The following ALDH1A1 variants were observed in gnomAD, a reference collection of about 807,000 sequenced individuals.
ALDH1A1 encodes aldehyde dehydrogenase 1A1.
In ALDH1A1, 19 loss-of-function variants were observed where a neutral mutation model predicts 62.1. The ratio of observed to expected loss-of-function variants is 0.31; its 90% CI spans 0.21 to 0.45. The LOEUF (loss-of-function observed/expected upper bound fraction) is 0.45, where lower values mean the gene tolerates loss of function less well. ALDH1A1 is among the 20% of genes least tolerant of loss of function. The probability of loss-of-function intolerance (pLI) is 1.00; values close to 1 mark genes in which losing one functional copy is unlikely to be tolerated. For missense variants in ALDH1A1, 521 were observed against 607.1 expected (o/e 0.86, Z 1.49); for synonymous variants, 231 against 215.9 (o/e 1.07, Z -0.61).
chr9:72,946,433 T>C (rs1830474626), intron 1 of ALDH1A1, among the ~76,000 whole-genome samples: 1 of 151,880 alleles, frequency 6.6e-6, no homozygotes. Context: ...AACGTTACAA[T>C]GAATCAGGTA....
chr9:72,945,301 C>T (rs1213197959), intron 1 of ALDH1A1, among the ~76,000 whole-genome samples: 1 of 151,776 alleles, frequency 6.6e-6, no homozygotes, highest in Admixed American at 6.6e-5. Context: ...GCAAAAGATA[C>T]TCAGAGTGCC....
chr9:72,903,300 A>T (rs1829830576), intron 12 of ALDH1A1, among the ~76,000 whole-genome samples: 1 of 152,066 alleles, frequency 6.6e-6, no homozygotes, highest in Non-Finnish European at 1.5e-5. Flanking sequence ...TCTTTTAACT[A>T]ATCCCAGAGC....
chr9:72,924,331 T>C (rs939083673), intron 6 of ALDH1A1, among the ~76,000 whole-genome samples, 199 bp from the exon 7 acceptor site: 2 of 152,182 alleles, frequency 1.3e-5, no homozygotes, highest in Non-Finnish European at 2.9e-5. Flanking sequence ...GGTTGCATTA[T>C]TAAAGGACAA....
chr9:72,950,066 T>C (rs1412169769), intron 1 of ALDH1A1, among the ~76,000 whole-genome samples: 1 of 151,666 alleles, frequency 6.6e-6, no homozygotes, highest in Admixed American at 6.6e-5. Context: ...GAAACAGGTC[T>C]AGGAAAGGTT....
At chr9:72,908,354 G>A (rs1156605361) in intron 11 of ALDH1A1, among the ~76,000 whole-genome samples, 1 of 132,266 alleles carries the variant, frequency 7.6e-6, no homozygotes, top group Non-Finnish European at 1.5e-5. Context: ...AGAATCACTT[G>A]AACCCAGGAG....
chr9:72,933,410 A>G (rs780046565), intron 2 of ALDH1A1, among the ~76,000 whole-genome samples: 7 of 152,116 alleles, frequency 4.6e-5, no homozygotes, highest in Admixed American at 2.0e-4. Context: ...TCTAAGGTTC[A>G]GCTTTCTTTT....
At chr9:72,901,898 A>T (rs1447853519) in intron 12 of ALDH1A1, among the ~76,000 whole-genome samples, 1 of 152,098 alleles carries the variant, frequency 6.6e-6, no homozygotes, top group Non-Finnish European at 1.5e-5. Flanking sequence ...AATATTTTGC[A>T]GCAGTAGTTT....
intron 9 of ALDH1A1, 113 bp from the exon 10 acceptor site, chr9:72,912,235 A>C (rs1830001542): frequency 2.5e-6 from 2 of 797,646 alleles, no homozygotes; most frequent in Non-Finnish European, 3.9e-6. Context: ...ATTAAACCAA[A>C]TATTGAATCG....
rs1437130670 is a variant in ALDH1A1, at chr9:72,909,649, A to G, written c.1311T>C (p.Ile437=). The part of the protein sequence containing the change: ...GLSAGVFTKD[I]DKAITISSAL... Reference sequence around the variant, plus strand: ...CAGAGGAGATTGTTATGGCTTTATCAATGTCTTTGGTAAACACTCCTGCTG... The same window carrying G: ...CAGAGGAGATTGTTATGGCTTTATCGATGTCTTTGGTAAACACTCCTGCTG... Residue 437 remains isoleucine (I), a synonymous_variant, in exon 11 of 13, where the codon ATT becomes ATC. Coordinates refer to ENST00000297785, the MANE Select transcript of ALDH1A1 (RefSeq NM_000689.5). The G allele has an allele frequency of 1.4e-5, 23 of 1,614,034 alleles. No homozygotes were observed. Among genetic ancestry groups the G allele is most frequent in the Non-Finnish European group, 1.9e-5 (23 of 1,179,944 alleles).
rs773456299 is a variant in ALDH1A1 at position 72,908,529 on chromosome 9, AAGAAAGAAAG to A, written c.1358+1063_1358+1072del. Among the ~76,000 whole-genome samples, 120 of 142,876 alleles carry A rather than the reference AAGAAAGAAAG, an allele frequency of 8.4e-4. 1 individual carries two copies. Among genetic ancestry groups the A allele is most frequent in the Middle Eastern group, 3.5e-3 (1 of 282 alleles). The allele number at this position is 142,876 out of a possible 152,430, so 93.7% of individuals were successfully genotyped here. A position where few individuals can be genotyped will look rare whatever the true frequency, so the allele number is the denominator to read the frequency against. On this transcript the variant is annotated intron_variant, in intron 11 of 12. Transcript: ENST00000297785. Reference sequence around the variant, plus strand: ...GACGAAAGAAAGAAAGAAAGAAAGAAAGAAAGAAAGAAAGAAAAGAAAGAAGAAAGAAAGA... The same window carrying A: ...GACGAAAGAAAGAAAGAAAGAAAGAAAAAGAAAAGAAAGAAGAAAGAAAGA...
chr9:72,908,540 AAAGAAAAGAAAGAAGAAAGAAAGAAAG>A (rs1298904961), intron 11 of ALDH1A1, among the ~76,000 whole-genome samples: 3 of 83,118 alleles, frequency 3.6e-5, no homozygotes, highest in East Asian at 3.3e-4. Flanking sequence ...AGAAAGAAAG[AAAGAAAAGAAAGAAGAAAGAAAGAAAG>A]AAAGAAAGAA....
intron 7 of ALDH1A1, among the ~76,000 whole-genome samples, chr9:72,919,319 A>G (rs1588135472): frequency 6.6e-6 from 1 of 152,054 alleles, no homozygotes; most frequent in African/African-American, 2.4e-5. Context: ...CATCCAGATA[A>G]CTCTATCCAG....
intron 2 of ALDH1A1, among the ~76,000 whole-genome samples, chr9:72,938,473 G>A (rs962543858): frequency 2.0e-5 from 3 of 152,038 alleles, no homozygotes; most frequent in African/African-American, 7.2e-5. Flanking sequence ...TTGAGACGGA[G>A]TTTCGCTCTT....
chr9:72,919,168 G>T (rs1830103300), intron 7 of ALDH1A1, among the ~76,000 whole-genome samples: 1 of 152,164 alleles, frequency 6.6e-6, no homozygotes, highest in Non-Finnish European at 1.5e-5. Flanking sequence ...AGAAAGCAGA[G>T]ATATAGAACA....
chr9:72,940,858 A>C (rs1830406876), intron 1 of ALDH1A1, among the ~76,000 whole-genome samples: 1 of 152,208 alleles, frequency 6.6e-6, no homozygotes, highest in Non-Finnish European at 1.5e-5. Flanking sequence ...AGATTTCTTA[A>C]TGGTAACTAT....
In ALDH1A1 at chr9:72,901,046, C is replaced by A. The variant is rs775096939; in HGVS notation, c.*162G>T. 88 of 479,324 alleles carry A rather than the reference C, an allele frequency of 1.8e-4. No homozygotes were observed. The highest frequency in any genetic ancestry group is 1.1e-4 in the Non-Finnish European group (29 of 269,594). The allele number at this position is 479,324 out of a possible 1,614,324, so 29.7% of individuals were successfully genotyped here. A position where few individuals can be genotyped will look rare whatever the true frequency, so the allele number is the denominator to read the frequency against. The stretch of plus-strand genomic sequence containing the variant: ...AGGCAAATAATTCTTTCAGAAGAAG[C>A]TACATGTCAAGTTTTCTATGGGTAG... On this transcript the variant is annotated 3_prime_UTR_variant, in exon 13 of 13. Coordinates refer to ENST00000297785, the MANE Select transcript of ALDH1A1 (RefSeq NM_000689.5).
chr9:72,916,959 A>G lies in ALDH1A1; in HGVS notation c.996T>C (p.Leu332=). 6.2e-7 allele frequency: 1 copy of G among 1,613,238 alleles called. No individual in the cohort carries two copies. The highest frequency in any genetic ancestry group is 8.5e-7 in the Non-Finnish European group (1 of 1,179,578). The change falls in exon 9 of 13, where the codon CTT becomes CTC. Residue 332 remains leucine (L), a synonymous_variant. Coordinates refer to ENST00000297785, the MANE Select transcript of ALDH1A1 (RefSeq NM_000689.5). ...RSVERAKKYI[L]GNPLTPGVTQ... ...TGACTCCTGGGGTCAGAGGATTTCC[A>G]AGGATATACTTCTTAGCCCGCTCAA...
chr9:72,949,791 A>T (rs1291168860), intron 1 of ALDH1A1, among the ~76,000 whole-genome samples: 1 of 150,976 alleles, frequency 6.6e-6, no homozygotes, highest in Non-Finnish European at 1.5e-5. Context: ...TGGCGTTTGA[A>T]TTCTGTCTGA....
intron 11 of ALDH1A1, among the ~76,000 whole-genome samples, chr9:72,908,536 AAAGAAAGAAAAGAAAGAAG>A (rs1192861277): frequency 8.0e-6 from 1 of 125,426 alleles, no homozygotes; most frequent in African/African-American, 3.1e-5. Context: ...AGAAAGAAAG[AAAGAAAGAAAAGAAAGAAG>A]AAAGAAAGAA....
Sources: allele counts gnomAD v4.1 joint callset (sites outside exome capture counted in the v4.1 genomes callset), GRCh38; gene constraint gnomAD v4.1.1; transcripts MANE v1.5; gene names NCBI Gene and HGNC (gene_info 2026-07-23, HGNC 2026-07-21).